Variants in LAPTM4B observed in about 807,000 individuals in gnomAD.
The protein encoded by LAPTM4B is lysosomal protein transmembrane 4 beta, also known as lysosomal-associated transmembrane protein 4B.
Under a neutral mutation model 28.5 loss-of-function variants are expected in LAPTM4B, and 26 were observed. The observed-to-expected ratio is 0.91, with a 90% confidence interval of 0.67 to 1.27. The LOEUF is 1.27. LAPTM4B is among the 50% of genes most tolerant of loss of function. LAPTM4B has a pLI of 0.00. For missense variants in LAPTM4B, 288 were observed against 285.8 expected (o/e 1.01, Z -0.06); for synonymous variants, 109 against 106.4 (o/e 1.02, Z -0.15).
At chr8:97,818,427 G>A (rs1039753209) in intron 4 of LAPTM4B, among the ~76,000 whole-genome samples, 5 of 152,208 alleles carry the variant, frequency 3.3e-5, no homozygotes, top group Admixed American at 2.0e-4. Context: ...TGATGTAGGC[G>A]TTGATCAATG....
At chr8:97,816,027 AC>A (rs1816906613) in intron 3 of LAPTM4B, 30 bp from the exon 4 acceptor site, 1 of 1,563,106 alleles carries the variant, frequency 6.4e-7, no homozygotes, top group African/African-American at 1.4e-5. Context: ...AATATTGAAC[AC>A]ATTAACTTTC....
At chr8:97,819,977 C>T (rs1187851790) in intron 5 of LAPTM4B, among the ~76,000 whole-genome samples, 4 of 152,144 alleles carry the variant, frequency 2.6e-5, no homozygotes, top group South Asian at 2.1e-4. Context: ...CCTCATGATC[C>T]GCCCACCTCG....
chr8:97,837,786 T>G (rs1363412395), intron 6 of LAPTM4B, among the ~76,000 whole-genome samples: 2 of 130,536 alleles, frequency 1.5e-5, no homozygotes, highest in African/African-American at 5.0e-5. Context: ...AAGAAGATTC[T>G]TCAGGAATTG....
intron 1 of LAPTM4B, among the ~76,000 whole-genome samples, chr8:97,795,611 G>C (rs1316027667): frequency 6.6e-6 from 1 of 151,992 alleles, no homozygotes; most frequent in Non-Finnish European, 1.5e-5. Flanking sequence ...CCAGCATCTT[G>C]GGGGGCTGAG....
chr8:97,825,193 C>G lies in LAPTM4B; in HGVS notation c.603+40C>G, dbSNP rs558599554. On this transcript the variant is annotated intron_variant, in intron 6 of 6. Transcript: ENST00000521545. The stretch of plus-strand genomic sequence containing the variant: ...ACTTATGGTAGAGATCTCGCCCACA[C>G]CTTTACTGTATGCTGATCTTTAAGT... 192 of 1,040,328 alleles carry G rather than the reference C, an allele frequency of 1.8e-4. 4 individuals are homozygous for G. The South Asian group carries it at 2.5e-3, about 13-fold the overall frequency. The allele number at this position is 1,040,328 out of a possible 1,614,324, so 64.4% of individuals were successfully genotyped here. A position where few individuals can be genotyped will look rare whatever the true frequency, so the allele number is the denominator to read the frequency against.
intron 6 of LAPTM4B, among the ~76,000 whole-genome samples, chr8:97,843,127 C>T (rs961602216): frequency 2.6e-5 from 4 of 152,120 alleles, no homozygotes; most frequent in Admixed American, 6.5e-5. Flanking sequence ...GCAATTCTCC[C>T]GGCTCTGCCT....
At chr8:97,841,460 T>C (rs1817348650) in intron 6 of LAPTM4B, among the ~76,000 whole-genome samples, 1 of 152,220 alleles carries the variant, frequency 6.6e-6, no homozygotes, top group South Asian at 2.1e-4. Flanking sequence ...CCCGAGTAGC[T>C]GGGATTACAG....
chr8:97,815,010 A>G (rs150058524), intron 2 of LAPTM4B, among the ~76,000 whole-genome samples: 64 of 152,290 alleles, frequency 4.2e-4, no homozygotes, highest in African/African-American at 1.5e-3. Context: ...TATTTTAAAT[A>G]AGATCGGAAG....
intron 1 of LAPTM4B, among the ~76,000 whole-genome samples, chr8:97,781,073 T>G (rs565932600): frequency 5.1e-4 from 77 of 151,594 alleles, no homozygotes; most frequent in Non-Finnish European, 9.6e-4. Flanking sequence ...CACCACAACC[T>G]CCGCCTCCTG....
At chr8:97,821,565 G>A (rs1308334778) in intron 5 of LAPTM4B, among the ~76,000 whole-genome samples, 4 of 127,538 alleles carry the variant, frequency 3.1e-5, no homozygotes, top group Admixed American at 2.8e-4. Context: ...AGGTGAGGAC[G>A]TGAGGATAGA....
chr8:97,796,064 C>T (rs1445821624), intron 1 of LAPTM4B, among the ~76,000 whole-genome samples: 3 of 152,132 alleles, frequency 2.0e-5, no homozygotes, highest in African/African-American at 7.2e-5. Context: ...CTTGGCCCCC[C>T]CAGTAGCTGG....
chr8:97,799,806 G>T (rs889992978), intron 1 of LAPTM4B, among the ~76,000 whole-genome samples: 1 of 151,980 alleles, frequency 6.6e-6, no homozygotes, highest in Non-Finnish European at 1.5e-5. Context: ...TACATTTTTG[G>T]TTCTATCCTC....
At chr8:97,819,411 A>C (rs1004190808) in intron 5 of LAPTM4B, among the ~76,000 whole-genome samples, 173 bp downstream of exon 5, 2 of 152,222 alleles carry the variant, frequency 1.3e-5, no homozygotes, top group Admixed American at 1.3e-4. Context: ...AACACTAATC[A>C]AAATTCCACA....
At chr8:97,819,835 C>T (rs556945972) in intron 5 of LAPTM4B, among the ~76,000 whole-genome samples, 209 of 148,724 alleles carry the variant, frequency 1.4e-3, no homozygotes, top group Non-Finnish European at 1.9e-3. Context: ...CCCGGCTTCA[C>T]GCCATTATCT....
At chr8:97,839,683 G>T (rs1039795607) in intron 6 of LAPTM4B, among the ~76,000 whole-genome samples, 1 of 152,126 alleles carries the variant, frequency 6.6e-6, no homozygotes, top group Non-Finnish European at 1.5e-5. Flanking sequence ...ATCAACACAT[G>T]GATGTTTGAA....
chr8:97,792,968 G>C (rs1816527463), intron 1 of LAPTM4B, among the ~76,000 whole-genome samples: 1 of 151,994 alleles, frequency 6.6e-6, no homozygotes, highest in Non-Finnish European at 1.5e-5. Context: ...TTACTTTCTG[G>C]TGTTAATAGT....
At position 97,780,549 on chromosome 8, in the gene LAPTM4B, A is replaced by G. The variant is rs138900728; in HGVS notation, c.99+4441A>G. On this transcript the variant is annotated intron_variant, in intron 1 of 6. Transcript: ENST00000521545. ...ATATGTTTTCTTATTGTTGATTCCT[A>G]CCAATACCGTTTACTAAGGCTCCAA... 5.9e-3 allele frequency among the ~76,000 whole-genome samples: 900 copies of G among 152,318 alleles called. 7 individuals are homozygous for G. Among genetic ancestry groups the G allele is most frequent in the African/African-American group, 0.021 (868 of 41,566 alleles).
At chr8:97,820,760 ACT>A (rs1459605949) in intron 5 of LAPTM4B, among the ~76,000 whole-genome samples, 1 of 151,432 alleles carries the variant, frequency 6.6e-6, no homozygotes, top group Non-Finnish European at 1.5e-5. Context: ...ACAGAGTCTC[ACT>A]CTGTCACCTA....
chr8:97,777,375 T>C (rs559498227), intron 1 of LAPTM4B, among the ~76,000 whole-genome samples: 268 of 152,130 alleles, frequency 1.8e-3, no homozygotes, highest in Non-Finnish European at 2.5e-3. Context: ...CTCGAACTGC[T>C]GACCTCGTGA....
Sources: gnomAD v4.1 joint callset for allele counts (sites outside exome capture counted in the v4.1 genomes callset) on GRCh38, gnomAD v4.1.1 for gene constraint, MANE v1.5 for transcripts, NCBI Gene and HGNC (gene_info 2026-07-23, HGNC 2026-07-21) for gene names.